Variants in GAL3ST1 observed in about 807,000 individuals in gnomAD.
GAL3ST1 encodes galactose-3-O-sulfotransferase 1.
In GAL3ST1, 13 loss-of-function variants were observed where a neutral mutation model predicts 25.0. The ratio of observed to expected loss-of-function variants is 0.52; its 90% CI spans 0.34 to 0.83. GAL3ST1 has a LOEUF of 0.83. Among genes scored for constraint, GAL3ST1 ranks in the 40% least tolerant of loss-of-function variants. The probability of loss-of-function intolerance (pLI) is 0.02; values close to 1 mark genes in which losing one functional copy is unlikely to be tolerated. For missense variants in GAL3ST1, 474 were observed against 613.6 expected, an observed-to-expected ratio of 0.77 and a Z score of 2.40; for synonymous variants, 274 against 277.8, an observed-to-expected ratio of 0.99 and a Z score of 0.14.
rs573041237 is a variant in GAL3ST1 at position 30,554,745 on chromosome 22, T to C, written c.*208A>G. ...GGGAAAGGGGTTTAATAAAAACTGG[T>C]ATAATTAGTTAAATACTGATCTCGG... is the stretch of plus-strand genomic sequence containing the variant. On this transcript the variant is annotated 3_prime_UTR_variant, in exon 4 of 4. Coordinates refer to ENST00000406361, the MANE Select transcript of GAL3ST1 (RefSeq NM_001318104.2). 25 of 454,050 alleles carry C rather than the reference T, an allele frequency of 5.5e-5. No homozygotes were observed. The highest frequency in any genetic ancestry group is 5.1e-4 in the African/African-American group (25 of 49,172). The allele number at this position is 454,050 out of a possible 1,614,324, so 28.1% of individuals were successfully genotyped here.
rs146374804 is a variant in GAL3ST1, at chr22:30,556,012, C to T, written c.213G>A (p.Glu71=). The change falls in exon 4 of 4, where the codon GAG becomes GAA. Residue 71 remains glutamate (E), a synonymous_variant. Transcript: ENST00000406361. ...ACACGATGTTGCGCCGCGGCTGGCA[C>T]TCCCCCGCCGAGCCGTTGGCCCGGA... The part of the protein sequence containing the change: ...AVIRANGSAG[E]CQPRRNIVFL... The T allele has an allele frequency of 6.2e-7, 1 of 1,608,352 alleles. No homozygotes were observed. Among genetic ancestry groups the T allele is most frequent in the African/African-American group, 1.3e-5 (1 of 74,928 alleles).
Position 30,570,718 on chromosome 22 carries a change from G to A in GAL3ST1, c.-120+3748C>T, listed in dbSNP as rs549141030. On this transcript the variant is annotated intron_variant, in intron 1 of 3. Coordinates refer to ENST00000406361, the MANE Select transcript of GAL3ST1 (RefSeq NM_001318104.2). ...GGAGAATCACTTGAACCTGGGAGGC[G>A]GAGGTTGCAATGAGCCAATATCGTG... 1.3e-3 allele frequency among the ~76,000 whole-genome samples: 191 copies of A among 152,028 alleles called. 1 individual carries two copies. Among genetic ancestry groups the A allele is most frequent in the Middle Eastern group, 0.01 (3 of 294 alleles).
intron 1 of GAL3ST1, among the ~76,000 whole-genome samples, chr22:30,567,705 C>T (rs2146421673): frequency 6.6e-6 from 1 of 152,080 alleles, no homozygotes; most frequent in East Asian, 1.9e-4. Context: ...TTGTTTGAGA[C>T]AGAGTTGCAC....
chr22:30,563,336 TG>T (rs1029178819), intron 1 of GAL3ST1: 1 of 152,026 alleles, frequency 6.6e-6, no homozygotes, highest in Non-Finnish European at 1.5e-5. Flanking sequence ...TACATGAAGA[TG>T]GGGTGTGGTG....
At chr22:30,561,229 C>T (rs1466067750) in intron 1 of GAL3ST1, among the ~76,000 whole-genome samples, 2 of 152,232 alleles carry the variant, frequency 1.3e-5, no homozygotes, top group Admixed American at 6.5e-5. Flanking sequence ...CAGGCGTGAG[C>T]CACTGAGCCT....
In GAL3ST1 at chr22:30,555,318, G is replaced by A; in HGVS notation, c.907C>T (p.Leu303=). The A allele has an allele frequency of 1.2e-6, 2 of 1,606,078 alleles. No individual in the cohort carries two copies. Among genetic ancestry groups the A allele is most frequent in the East Asian group, 2.2e-5 (1 of 44,808 alleles). The change falls in exon 4 of 4, where the codon CTG becomes TTG. Residue 303 remains leucine, a synonymous_variant. Transcript: ENST00000406361. The surrounding 1 kb of genome is among the most constrained non-coding windows in gnomAD (Gnocchi z 8.6). ...AAGTGGCGGTAGAGGTGGGAGTCCA[G>A]CATGTTCCAGGCGGTGGCGCGCCCA... is the stretch of plus-strand genomic sequence containing the variant. ...LYGRATAWNM[L]DSHLYRHFNA... is the part of the protein sequence containing the mutation.
At chr22:30,570,330 T>C (rs1025928206) in intron 1 of GAL3ST1, among the ~76,000 whole-genome samples, 18 of 152,208 alleles carry the variant, frequency 1.2e-4, no homozygotes, top group African/African-American at 4.3e-4. Context: ...GTTCTGAGTG[T>C]GCCTGTTCTC....
intron 1 of GAL3ST1, among the ~76,000 whole-genome samples, chr22:30,569,947 G>A (rs1052748765): frequency 6.6e-6 from 1 of 152,078 alleles, no homozygotes; most frequent in Admixed American, 6.6e-5. Context: ...GCCCTGTGTG[G>A]TGGTGCACGC....
chr22:30,558,886 G>A (rs1030308043), intron 1 of GAL3ST1, among the ~76,000 whole-genome samples: 2 of 152,152 alleles, frequency 1.3e-5, no homozygotes, highest in Admixed American at 6.5e-5. Context: ...GGCTGGGCAC[G>A]GTGGCTCACG....
chr22:30,570,387 C>CTA (rs1407932974), intron 1 of GAL3ST1, among the ~76,000 whole-genome samples: 2 of 152,216 alleles, frequency 1.3e-5, no homozygotes, highest in African/African-American at 4.8e-5. Flanking sequence ...GATAATCTAA[C>CTA]AATCAATCTG....
intron 1 of GAL3ST1, chr22:30,565,970 A>G (rs1459303527): frequency 1.3e-5 from 2 of 152,180 alleles, no homozygotes; most frequent in Admixed American, 1.3e-4. Context: ...TGTGACAGTC[A>G]TTCATCCCAC....
chr22:30,557,557 T>C, intron 2 of GAL3ST1, 156 bp from the exon 3 acceptor site: 1 of 700,322 alleles, frequency 1.4e-6, no homozygotes, highest in Non-Finnish European at 2.3e-6. Flanking sequence ...AGAGATAGAC[T>C]GACAACCACC....
intron 1 of GAL3ST1, chr22:30,573,015 G>T (rs1438726024): frequency 6.6e-6 from 1 of 152,268 alleles, no homozygotes; most frequent in Non-Finnish European, 1.5e-5. Context: ...GATGCATGGG[G>T]ACCAGGCATT....
At chr22:30,567,199 A>C (rs2086652046) in intron 1 of GAL3ST1, among the ~76,000 whole-genome samples, 1 of 152,206 alleles carries the variant, frequency 6.6e-6, no homozygotes, top group East Asian at 1.9e-4. Flanking sequence ...AAGATGATTA[A>C]AAGAACCCCA....
At chr22:30,568,530 G>A (rs2086691186) in intron 1 of GAL3ST1, among the ~76,000 whole-genome samples, 1 of 152,144 alleles carries the variant, frequency 6.6e-6, no homozygotes, top group African/African-American at 2.4e-5. Context: ...GACACTGACT[G>A]GATTTCAAGA....
intron 1 of GAL3ST1, among the ~76,000 whole-genome samples, chr22:30,571,271 G>A (rs1471861416): frequency 1.3e-5 from 2 of 152,172 alleles, no homozygotes; most frequent in Admixed American, 6.5e-5. Flanking sequence ...CCATCCAGGG[G>A]TACTGGGGAA....
intron 1 of GAL3ST1, among the ~76,000 whole-genome samples, chr22:30,559,301 C>T (rs1044418979): frequency 6.6e-6 from 1 of 152,014 alleles, no homozygotes; most frequent in Non-Finnish European, 1.5e-5. Context: ...AGTGCTGTGG[C>T]GCAATCTCGG....
At chr22:30,563,656 G>A (rs986314491) in intron 1 of GAL3ST1, among the ~76,000 whole-genome samples, 2 of 151,988 alleles carry the variant, frequency 1.3e-5, no homozygotes, top group African/African-American at 4.8e-5. Context: ...GCTCATGCCT[G>A]TAATCCCAGC....
intron 2 of GAL3ST1, among the ~76,000 whole-genome samples, chr22:30,558,076 T>C (rs748598468): frequency 1.3e-5 from 2 of 151,236 alleles, no homozygotes; most frequent in Admixed American, 1.3e-4. Context: ...ACGTGAGCCA[T>C]CGCGCCCGAC....
Sources: allele counts gnomAD v4.1 joint callset (sites outside exome capture counted in the v4.1 genomes callset), GRCh38; gene constraint gnomAD v4.1.1; non-coding constraint Gnocchi (gnomAD v3.1); transcripts MANE v1.5; gene names NCBI Gene and HGNC (gene_info 2026-07-23, HGNC 2026-07-21).